The following SCN3B variants were observed in gnomAD, a reference collection of about 807,000 sequenced individuals.
SCN3B encodes the protein sodium voltage-gated channel beta subunit 3.
Under a neutral mutation model 25.4 loss-of-function variants are expected in SCN3B, and 11 were observed. That is an observed-to-expected ratio of 0.43 (90% CI 0.27 to 0.72). The LOEUF is 0.72. Ranked by LOEUF, SCN3B falls within the 30% of genes least tolerant of loss-of-function variation. The pLI is 0.18. For synonymous variants in SCN3B, 109 were observed against 110.7 expected (o/e 0.99, Z 0.09); for missense variants, 218 against 278.3 (o/e 0.78, Z 1.54).
intron 2 of SCN3B, 45 bp downstream of exon 2, chr11:123,653,702 T>G (rs1955958256): frequency 3.1e-6 from 5 of 1,602,774 alleles, no homozygotes; most frequent in Middle Eastern, 1.6e-4. Context: ...TTGTTAGCAT[T>G]GTTACTGTTA....
At position 123,638,260 on chromosome 11, in the gene SCN3B, G is replaced by A; in HGVS notation, c.510C>T (p.Thr170=). The A allele has an allele frequency of 6.2e-7, 1 of 1,614,158 alleles. No individual in the cohort carries two copies. The highest frequency in any genetic ancestry group is 8.5e-7 in the Non-Finnish European group (1 of 1,180,040). ...IMMYILLVFL[T]LWLLIEMIYC... ...ATATCATCTCGATGAGCAGCCACAA[G>A]GTGAGGAAGACCAGAAGGATGTACA... The change falls in exon 5 of 7, where the codon ACC becomes ACT. Residue 170 remains threonine (T), a synonymous_variant. Coordinates refer to ENST00000299333, the MANE Select transcript of SCN3B (RefSeq NM_001040151.2).
At position 123,642,047 on chromosome 11, in the gene SCN3B, GGTA is replaced by G. The variant is rs543454357; in HGVS notation, c.445+396_445+398del. On this transcript the variant is annotated intron_variant, in intron 4 of 6. Transcript: ENST00000299333. The surrounding 1 kb of genome is among the most constrained non-coding windows in gnomAD (Gnocchi z 4.3). ...GGCTTAGAGGCATGTATTGCTTACAGGTAGAAGGAGAGATGACTTCCGGGTAAC... is the reference window on the plus strand; with the variant it reads ...GGCTTAGAGGCATGTATTGCTTACAGGAAGGAGAGATGACTTCCGGGTAAC... Among the ~76,000 whole-genome samples the G allele has an allele frequency of 2.3e-3, 343 of 152,278 alleles. 1 individual carries two copies. The highest frequency in any genetic ancestry group is 7.1e-3 in the African/African-American group (295 of 41,556).
intron 2 of SCN3B, among the ~76,000 whole-genome samples, chr11:123,653,288 A>G (rs1283379519): frequency 6.6e-6 from 1 of 150,438 alleles, no homozygotes; most frequent in African/African-American, 2.4e-5. Context: ...CAACTAAAGT[A>G]TTTTCACTCT....
chr11:123,634,047 G>T, intron 6 of SCN3B, 74 bp downstream of exon 6: 1 of 1,243,788 alleles, frequency 8.0e-7, no homozygotes, highest in Non-Finnish European at 1.2e-6. Context: ...AGTCACTTCA[G>T]TTGTGGGCAA....
chr11:123,639,450 C>A (rs1430793881), intron 4 of SCN3B: 1 of 152,290 alleles, frequency 6.6e-6, no homozygotes, highest in Admixed American at 6.5e-5. Context: ...GATCTCGGCT[C>A]ACTGCAATCT....
At chr11:123,653,877 C>A (rs1477683961) in intron 1 of SCN3B, 51 bp from the exon 2 acceptor site, 4 of 1,544,118 alleles carry the variant, frequency 2.6e-6, no homozygotes, top group South Asian at 1.1e-5. Flanking sequence ...CAGATTCTTT[C>A]GAGGAAACCC....
At position 123,642,183 on chromosome 11, in the gene SCN3B, C is replaced by T. The variant is rs1353574777; in HGVS notation, c.445+263G>A. On this transcript the variant is annotated intron_variant, in intron 4 of 6. Coordinates refer to ENST00000299333, the MANE Select transcript of SCN3B (RefSeq NM_001040151.2). This position sits in a 1 kb window ranked among gnomAD's most constrained non-coding sequence, Gnocchi z 4.3. ...GCCTCATGGAGGCTAGCCTCTTTCT[C>T]TAAGGGACCAGGAAGAGCTCATTCT... Among the ~76,000 whole-genome samples the T allele has an allele frequency of 6.6e-6, 1 of 152,206 alleles. No homozygotes were observed. The highest frequency in any genetic ancestry group is 2.4e-5 in the African/African-American group (1 of 41,462).
At chr11:123,644,805 ATATATAT>A (rs1466559293) in intron 3 of SCN3B, among the ~76,000 whole-genome samples, 1 of 36,648 alleles carries the variant, frequency 2.7e-5, no homozygotes, top group Admixed American at 2.6e-4. Context: ...GAGAGAATAT[ATATATAT>A]ATATATATAT....
In SCN3B at chr11:123,642,413, G is replaced by A; in HGVS notation, c.445+33C>T. On this transcript the variant is annotated intron_variant, in intron 4 of 6. Transcript: ENST00000299333. This position sits in a 1 kb window ranked among gnomAD's most constrained non-coding sequence, Gnocchi z 4.3. The stretch of plus-strand genomic sequence containing the variant: ...TACCCTTCCCTGTCCACAGAGAGCA[G>A]GACGCCCTAGAGACCCTGTGCCTCA... 1 of 1,603,394 alleles carries A rather than the reference G, an allele frequency of 6.2e-7. No individual in the cohort carries two copies. Among genetic ancestry groups the A allele is most frequent in the Non-Finnish European group, 8.5e-7 (1 of 1,170,282 alleles).
intron 2 of SCN3B, among the ~76,000 whole-genome samples, chr11:123,646,725 C>T (rs1269219082): frequency 2.0e-5 from 3 of 152,194 alleles, no homozygotes; most frequent in Non-Finnish European, 2.9e-5. Flanking sequence ...TTCAGAATAA[C>T]TTGAGCGGGA....
chr11:123,645,497 G>T, intron 3 of SCN3B, 90 bp downstream of exon 3: 2 of 1,313,626 alleles, frequency 1.5e-6, no homozygotes, highest in Non-Finnish European at 1.1e-6. Context: ...GCCAGTGTTT[G>T]CTAGCTTGGC....
chr11:123,653,680 A>G (rs552976667), intron 2 of SCN3B, 67 bp downstream of exon 2: 9 of 1,557,688 alleles, frequency 5.8e-6, no homozygotes, highest in Non-Finnish European at 8.0e-6. Flanking sequence ...CAACGACATC[A>G]ATGTGTTATT....
At chr11:123,634,923 T>C (rs1251052775) in intron 5 of SCN3B, among the ~76,000 whole-genome samples, 3 of 152,244 alleles carry the variant, frequency 2.0e-5, no homozygotes, top group Admixed American at 2.0e-4. Flanking sequence ...TCCCAATCTC[T>C]TGTTTGTCTA....
At chr11:123,645,443 G>A in intron 3 of SCN3B, 144 bp downstream of exon 3, 2 of 913,828 alleles carry the variant, frequency 2.2e-6, no homozygotes, top group East Asian at 2.4e-5. Context: ...CACTAAGGCT[G>A]TCAGTTATCT....
At position 123,645,708 on chromosome 11, in the gene SCN3B, G is replaced by A. The variant is rs140041927; in HGVS notation, c.98C>T (p.Thr33Met). The A allele has an allele frequency of 1.7e-5, 27 of 1,614,012 alleles. No individual in the cohort carries two copies. The highest frequency in any genetic ancestry group is 4.0e-5 in the African/African-American group (3 of 74,902). Residue 33 changes from threonine to methionine, a missense_variant, in exon 3 of 7, where the codon ACG (threonine) becomes ATG (methionine). Coordinates refer to ENST00000299333, the MANE Select transcript of SCN3B (RefSeq NM_001040151.2). ...FPVCVEVPSE[T>M]EAVQGNPMKL... ...CATGGGGTTGCCCTGCACGGCCTCC[G>A]TCTCCGAGGGCACTTCCACACACAC...
intron 4 of SCN3B, chr11:123,638,905 A>G (rs972869875): frequency 4.1e-5 from 7 of 169,710 alleles, no homozygotes; most frequent in Non-Finnish European, 9.0e-5. Flanking sequence ...TGTTCTCTAC[A>G]AGTCTGGGTT....
chr11:123,650,364 G>T (rs1326512721), intron 2 of SCN3B, among the ~76,000 whole-genome samples: 1 of 152,096 alleles, frequency 6.6e-6, no homozygotes, highest in African/African-American at 2.4e-5. Context: ...CCTTTGCACT[G>T]AGATAATGAA....
At position 123,631,708 on chromosome 11, in the gene SCN3B, A is replaced by G. The variant is rs1445260698; in HGVS notation, c.*2091T>C. On this transcript the variant is annotated 3_prime_UTR_variant, in exon 7 of 7. Coordinates refer to ENST00000299333, the MANE Select transcript of SCN3B (RefSeq NM_001040151.2). ...GCCAGGCATGGTGGTGCATGCCTGTAGTCCCAGTTACCTGGGGGCTGAGGT... is the reference window on the plus strand; with the variant it reads ...GCCAGGCATGGTGGTGCATGCCTGTGGTCCCAGTTACCTGGGGGCTGAGGT... The G allele has an allele frequency of 6.6e-6, 1 of 152,138 alleles. No individual in the cohort carries two copies. Among genetic ancestry groups the G allele is most frequent in the Admixed American group, 6.5e-5 (1 of 15,280 alleles). The allele number at this position is 152,138 out of a possible 1,614,324, so 9.4% of individuals were successfully genotyped here. A position where few individuals can be genotyped will look rare whatever the true frequency, so the allele number is the denominator to read the frequency against.
In SCN3B at chr11:123,642,408, G is replaced by A; in HGVS notation, c.445+38C>T. 1 of 1,598,566 alleles carries A rather than the reference G, an allele frequency of 6.3e-7. No homozygotes were observed. The highest frequency in any genetic ancestry group is 1.3e-5 in the African/African-American group (1 of 74,728). On this transcript the variant is annotated intron_variant, in intron 4 of 6. Transcript: ENST00000299333. The surrounding 1 kb of genome is among the most constrained non-coding windows in gnomAD (Gnocchi z 4.3). ...TGTCCTACCCTTCCCTGTCCACAGA[G>A]AGCAGGACGCCCTAGAGACCCTGTG...
Sources: gnomAD v4.1 joint callset for allele counts (sites outside exome capture counted in the v4.1 genomes callset) on GRCh38, gnomAD v4.1.1 for gene constraint, Gnocchi (gnomAD v3.1) non-coding constraint, MANE v1.5 for transcripts, NCBI Gene and HGNC (gene_info 2026-07-23, HGNC 2026-07-21) for gene names.